Variants in LHCGR observed in about 807,000 individuals in gnomAD.
LHCGR encodes lutropin-choriogonadotropic hormone receptor.
A neutral mutation model predicts 60.7 loss-of-function variants in LHCGR; 55 were observed. The ratio of observed to expected loss-of-function variants is 0.91; its 90% CI spans 0.73 to 1.13. LHCGR has a LOEUF of 1.13. Among genes scored for constraint, LHCGR ranks in the 50% most tolerant of loss-of-function variants. LHCGR has a pLI of 0.00. For synonymous variants in LHCGR, 337 were observed against 316.5 expected, an observed-to-expected ratio of 1.06 and a Z score of -0.69; for missense variants, 862 against 836.0, an observed-to-expected ratio of 1.03 and a Z score of -0.38.
chr2:48,696,291 T>A (rs979699124), intron 9 of LHCGR, among the ~76,000 whole-genome samples: 1 of 152,214 alleles, frequency 6.6e-6, no homozygotes, highest in African/African-American at 2.4e-5. Context: ...ATCAACTGCA[T>A]TCATTAAGAA....
intron 1 of LHCGR, among the ~76,000 whole-genome samples, chr2:48,742,501 C>G (rs865936390): frequency 3.3e-5 from 5 of 151,826 alleles, no homozygotes; most frequent in Admixed American, 3.3e-4. Context: ...TCTCTCAGAC[C>G]GCAGTGCAAT....
intron 10 of LHCGR, among the ~76,000 whole-genome samples, chr2:48,691,303 C>G: frequency 6.6e-6 from 1 of 152,128 alleles, no homozygotes; most frequent in East Asian, 1.9e-4. Context: ...GGAAAGAACA[C>G]AGATTTTTAA....
At chr2:48,713,007 C>T (rs4145965) in intron 7 of LHCGR, among the ~76,000 whole-genome samples, 131,277 of 152,112 alleles carry the variant, frequency 0.86, 56,905 homozygotes, top group Non-Finnish European at 0.9. Context: ...TGCTACCCAA[C>T]ATTAGACTGT....
chr2:48,749,538 T>C (rs1669859590), intron 1 of LHCGR, among the ~76,000 whole-genome samples: 1 of 152,070 alleles, frequency 6.6e-6, no homozygotes, highest in Admixed American at 6.6e-5. Context: ...AGATCAGAAT[T>C]ACACATGGCC....
chr2:48,698,151 G>A (rs1667217780), intron 9 of LHCGR, among the ~76,000 whole-genome samples: 1 of 152,184 alleles, frequency 6.6e-6, no homozygotes, highest in African/African-American at 2.4e-5. Context: ...TTCTGAAATA[G>A]AAGATGCTCG....
chr2:48,695,530 C>G (rs1443885216), intron 9 of LHCGR, among the ~76,000 whole-genome samples: 1 of 152,126 alleles, frequency 6.6e-6, no homozygotes, highest in Non-Finnish European at 1.5e-5. Flanking sequence ...AGCTACTATT[C>G]AACTCAGCAA....
intron 1 of LHCGR, among the ~76,000 whole-genome samples, chr2:48,749,275 A>G (rs1044706800): frequency 6.6e-6 from 1 of 152,216 alleles, no homozygotes; most frequent in African/African-American, 2.4e-5. Context: ...GTGGAGAAGC[A>G]GCTAGAAGCT....
rs571238902 is a variant in LHCGR, at chr2:48,710,073, C to T, written c.606-1051G>A. Among the ~76,000 whole-genome samples the T allele has an allele frequency of 2.0e-5, 3 of 152,302 alleles. 1 individual carries two copies. The South Asian group carries it at 6.2e-4, about 32-fold the overall frequency. ...CAAAACAAACATACTAACACCCATT[C>T]CCCGCCTTCATTGCTGTTTAAGAAC... On this transcript the variant is annotated intron_variant, in intron 7 of 10. Transcript: ENST00000294954.
chr2:48,747,390 G>A (rs1321892896), intron 1 of LHCGR, among the ~76,000 whole-genome samples: 1 of 152,132 alleles, frequency 6.6e-6, no homozygotes, highest in African/African-American at 2.4e-5. Context: ...CTGTGCCTGA[G>A]AATGGGTTTG....
At chr2:48,733,462 G>T (rs1053219518) in intron 1 of LHCGR, among the ~76,000 whole-genome samples, 1 of 152,200 alleles carries the variant, frequency 6.6e-6, no homozygotes, top group East Asian at 1.9e-4. Context: ...GTCTCCAGTG[G>T]CTACAGAAGC....
rs62137535 is a variant in LHCGR, at chr2:48,696,330, A to C, written c.867-2026T>G. 4.2e-3 allele frequency among the ~76,000 whole-genome samples: 644 copies of C among 152,352 alleles called. 3 individuals carry two copies. Among genetic ancestry groups the C allele is most frequent in the Middle Eastern group, 6.8e-3 (2 of 294 alleles). On this transcript the variant is annotated intron_variant, in intron 9 of 10. Coordinates refer to ENST00000294954, the MANE Select transcript of LHCGR (RefSeq NM_000233.4). ...GGACATTATGGAAAAGGACAGGCTC[A>C]GAAGGGACTACTTCCAAAAGGTTGC...
Position 48,688,380 on chromosome 2 carries a change from G to A in LHCGR, c.1417C>T (p.His473Tyr), listed in dbSNP as rs148907927. Residue 473 changes from histidine (H) to tyrosine (Y), a missense_variant, in exon 11 of 11, where the codon CAC becomes TAC. Coordinates refer to ENST00000294954, the MANE Select transcript of LHCGR (RefSeq NM_000233.4). This position sits in a 1 kb window ranked among gnomAD's most constrained non-coding sequence, Gnocchi z 5.2. ...CTTAATCGCAGCTTTTGGTCCAGGT[G>A]AATAGCATAGGTGATGGTGTGCCAT... ...ERWHTITYAI[H>Y]LDQKLRLRHA... 1.9e-6 allele frequency: 3 copies of A among 1,614,056 alleles called. No individual in the cohort carries two copies. Among genetic ancestry groups the A allele is most frequent in the Non-Finnish European group, 2.5e-6 (3 of 1,180,044 alleles).
intron 9 of LHCGR, among the ~76,000 whole-genome samples, chr2:48,696,416 G>T (rs1413009042): frequency 2.0e-5 from 3 of 152,210 alleles, no homozygotes; most frequent in Non-Finnish European, 4.4e-5. Flanking sequence ...AACCAGAAAA[G>T]ATATGTGACA....
chr2:48,703,749 C>A (rs978647817), intron 8 of LHCGR, among the ~76,000 whole-genome samples: 3 of 152,184 alleles, frequency 2.0e-5, no homozygotes, highest in African/African-American at 7.2e-5. Flanking sequence ...TATCCCAAGA[C>A]TTCGCTGAAG....
At chr2:48,723,389 A>C in intron 6 of LHCGR, 67 bp downstream of exon 6, 1 of 1,112,046 alleles carries the variant, frequency 9.0e-7, no homozygotes, top group Non-Finnish European at 1.4e-6. Flanking sequence ...GAAAAAGCTC[A>C]CCCCAACCTA....
intron 1 of LHCGR, chr2:48,733,059 G>T: frequency 2.4e-5 from 12 of 497,532 alleles, no homozygotes; most frequent in South Asian, 1.8e-4. Context: ...CAGTTTTATT[G>T]CTCTCTGCAC....
intron 1 of LHCGR, among the ~76,000 whole-genome samples, chr2:48,747,531 A>C (rs1427987033): frequency 6.6e-6 from 1 of 152,180 alleles, no homozygotes; most frequent in Non-Finnish European, 1.5e-5. Flanking sequence ...TCGCCACATT[A>C]TGGTGGAAGA....
At chr2:48,730,557 T>C (rs1392896279) in intron 2 of LHCGR, among the ~76,000 whole-genome samples, 55 of 152,228 alleles carry the variant, frequency 3.6e-4, no homozygotes, top group Non-Finnish European at 1.3e-4. Flanking sequence ...AGATTGGAGA[T>C]GCACTGTGAG....
At chr2:48,726,444 G>A (rs1668733658) in intron 3 of LHCGR, among the ~76,000 whole-genome samples, 1 of 152,118 alleles carries the variant, frequency 6.6e-6, no homozygotes, top group Non-Finnish European at 1.5e-5. Context: ...GCAGGGTTTG[G>A]CAAAGTATAA....
Sources: gnomAD v4.1 joint callset for allele counts (sites outside exome capture counted in the v4.1 genomes callset) on GRCh38, gnomAD v4.1.1 for gene constraint, Gnocchi (gnomAD v3.1) non-coding constraint, MANE v1.5 for transcripts, NCBI Gene and HGNC (gene_info 2026-07-23, HGNC 2026-07-21) for gene names.